Variants in DLGAP1 observed in about 807,000 individuals in gnomAD.
The protein encoded by DLGAP1 is disks large-associated protein 1.
In DLGAP1, 11 loss-of-function variants were observed where a neutral mutation model predicts 90.8. That is an observed-to-expected ratio of 0.12 (90% confidence interval 0.08 to 0.20). The LOEUF is 0.20. DLGAP1 is among the 10% of genes least tolerant of loss of function. The pLI is 1.00. For synonymous variants in DLGAP1, 558 were observed against 540.7 expected (o/e 1.03, Z -0.44); for missense variants, 1,050 against 1,333.8 (o/e 0.79, Z 3.31).
chr18:4,319,120 C>A (rs545475907), intron 1 of DLGAP1, among the ~76,000 whole-genome samples: 1 of 152,226 alleles, frequency 6.6e-6, no homozygotes, highest in African/African-American at 2.4e-5. Context: ...TAAATAAATA[C>A]AATTGTTATC....
intron 7 of DLGAP1, among the ~76,000 whole-genome samples, chr18:3,608,709 CAG>C (rs2057445362): frequency 6.6e-6 from 1 of 152,180 alleles, no homozygotes; most frequent in African/African-American, 2.4e-5. Context: ...ATGCTCATTC[CAG>C]AGAGGTCTCG....
intron 4 of DLGAP1, chr18:3,874,394 AG>A: frequency 6.9e-7 from 1 of 1,453,654 alleles, no homozygotes; most frequent in East Asian, 2.5e-5. Flanking sequence ...CACTGTTTGA[AG>A]GGATTTTTCT....
chr18:4,021,333 A>G (rs1473289863), intron 2 of DLGAP1, among the ~76,000 whole-genome samples: 1 of 152,104 alleles, frequency 6.6e-6, no homozygotes, highest in Non-Finnish European at 1.5e-5. Context: ...TGCTCAACAC[A>G]GTGAGTGATT....
chr18:3,874,822 C>CT (rs1247875909), intron 4 of DLGAP1: 4 of 1,363,644 alleles, frequency 2.9e-6, no homozygotes, highest in Non-Finnish European at 2.8e-6. Flanking sequence ...AAAGGAGTCC[C>CT]TTTTTTTATT....
chr18:3,829,946 G>GGCC (rs1482800799), intron 4 of DLGAP1, among the ~76,000 whole-genome samples: 1 of 152,112 alleles, frequency 6.6e-6, no homozygotes, highest in Non-Finnish European at 1.5e-5. Flanking sequence ...GGGCAGACAG[G>GGCC]GCCGCTGCAG....
At chr18:3,804,002 AT>A (rs1235492703) in intron 5 of DLGAP1, among the ~76,000 whole-genome samples, 4 of 90,668 alleles carry the variant, frequency 4.4e-5, no homozygotes, top group Non-Finnish European at 6.7e-5. Context: ...ATATATATAT[AT>A]AATTTTTTTT....
At chr18:3,806,428 C>G (rs780057778) in intron 5 of DLGAP1, among the ~76,000 whole-genome samples, 2 of 152,106 alleles carry the variant, frequency 1.3e-5, no homozygotes, top group Non-Finnish European at 2.9e-5. Context: ...TTTTTCTCTT[C>G]CACTTGACTC....
intron 10 of DLGAP1, among the ~76,000 whole-genome samples, chr18:3,533,826 T>C (rs1433504936): frequency 6.6e-6 from 1 of 152,196 alleles, no homozygotes; most frequent in East Asian, 1.9e-4. Context: ...ATGAGATGTT[T>C]TGATTAGAAT....
chr18:4,339,535 G>A (rs939453689), intron 1 of DLGAP1, among the ~76,000 whole-genome samples: 1 of 152,012 alleles, frequency 6.6e-6, no homozygotes, highest in African/African-American at 2.4e-5. Flanking sequence ...ACAAACTGAG[G>A]CCACTTATCA....
intron 10 of DLGAP1, among the ~76,000 whole-genome samples, chr18:3,525,431 G>C (rs1029896459): frequency 6.6e-6 from 1 of 151,978 alleles, no homozygotes; most frequent in Non-Finnish European, 1.5e-5. Flanking sequence ...ATGGAGTTTT[G>C]CTCTGTCACC....
chr18:4,088,040 A>G (rs8099828), intron 2 of DLGAP1, among the ~76,000 whole-genome samples: 39,196 of 149,508 alleles, frequency 0.26, 5,397 homozygotes, highest in Non-Finnish European at 0.31. Flanking sequence ...TTATCATTCT[A>G]TTTTTCCTCA....
intron 1 of DLGAP1, among the ~76,000 whole-genome samples, chr18:4,362,121 T>C: frequency 6.6e-6 from 1 of 152,180 alleles, no homozygotes. Flanking sequence ...GGAACACTTG[T>C]ACACTGTTGG....
At chr18:3,858,767 G>A (rs1425502371) in intron 4 of DLGAP1, among the ~76,000 whole-genome samples, 1 of 152,066 alleles carries the variant, frequency 6.6e-6, no homozygotes, top group Non-Finnish European at 1.5e-5. Context: ...AGATTCTTCT[G>A]CTCTAAAAAG....
At chr18:4,304,363 C>T (rs1365803455) in intron 1 of DLGAP1, among the ~76,000 whole-genome samples, 2 of 152,166 alleles carry the variant, frequency 1.3e-5, no homozygotes, top group African/African-American at 4.8e-5. Flanking sequence ...GTGGGGAACC[C>T]TCAATAATTA....
chr18:3,831,940 T>C (rs2068055190), intron 4 of DLGAP1, among the ~76,000 whole-genome samples: 1 of 152,234 alleles, frequency 6.6e-6, no homozygotes, highest in Admixed American at 6.5e-5. Context: ...ATTCAAGTTA[T>C]CAGTGCAAAT....
chr18:3,993,962 C>T (rs746061932), intron 3 of DLGAP1, among the ~76,000 whole-genome samples: 1 of 152,178 alleles, frequency 6.6e-6, no homozygotes, highest in Non-Finnish European at 1.5e-5. Flanking sequence ...AAGACTTTCC[C>T]TCCACTGTTG....
intron 1 of DLGAP1, among the ~76,000 whole-genome samples, chr18:4,205,945 G>A (rs2077712320): frequency 6.6e-6 from 1 of 152,186 alleles, no homozygotes; most frequent in African/African-American, 2.4e-5. Flanking sequence ...CGGTGAGAAG[G>A]AAACTGTTTA....
At chr18:3,703,697 A>G (rs1350876576) in intron 7 of DLGAP1, among the ~76,000 whole-genome samples, 1 of 152,110 alleles carries the variant, frequency 6.6e-6, no homozygotes, top group Non-Finnish European at 1.5e-5. Context: ...CTAGAAAAGA[A>G]TTGTTTCTTA....
intron 1 of DLGAP1, among the ~76,000 whole-genome samples, chr18:4,347,231 C>A (rs2081317019): frequency 6.6e-6 from 1 of 151,886 alleles, no homozygotes; most frequent in African/African-American, 2.4e-5. Context: ...AAAAAACAAC[C>A]AGGCCCAGAT....
Sources: allele counts gnomAD v4.1 joint callset (sites outside exome capture counted in the v4.1 genomes callset), GRCh38; gene constraint gnomAD v4.1.1; transcripts MANE v1.5; gene names NCBI Gene and HGNC (gene_info 2026-07-23, HGNC 2026-07-21).